RGS12: variants seen among roughly 807,000 people sequenced by gnomAD.
The protein encoded by RGS12 is regulator of G protein signaling 12, also known as regulator of G-protein signaling 12.
Under a neutral mutation model 120.1 loss-of-function variants are expected in RGS12, and 66 were observed. The ratio of observed to expected loss-of-function variants is 0.55; its 90% CI spans 0.45 to 0.67. The LOEUF is 0.67. Among genes scored for constraint, RGS12 ranks in the 30% least tolerant of loss-of-function variants. RGS12 has a pLI of 0.00. For missense variants in RGS12, 1,859 were observed against 1,957.7 expected (o/e 0.95, Z 0.95); for synonymous variants, 827 against 804.7 (o/e 1.03, Z -0.47).
rs771857477 is a variant in RGS12 at position 3,342,933 on chromosome 4, T to G, written c.1882-4T>G. On this transcript the variant is annotated splice_region_variant and splice_polypyrimidine_tract_variant and intron_variant, in intron 2 of 17. Coordinates refer to ENST00000336727, the MANE Select transcript of RGS12 (RefSeq NM_001394154.1). ...AACCTGATGCCTTTTTTCTTCGTGT[T>G]TAGGGCTCAAAATTTGGGCGGGGAA... is the stretch of plus-strand genomic sequence containing the variant. 6.2e-7 allele frequency: 1 copy of G among 1,608,150 alleles called. No homozygotes were observed. The highest frequency in any genetic ancestry group is 8.5e-7 in the Non-Finnish European group (1 of 1,174,804).
In RGS12 at chr4:3,317,830, C is replaced by G. The variant is rs759557676; in HGVS notation, c.1660C>G (p.Gln554Glu). The G allele has an allele frequency of 3.7e-6, 6 of 1,613,288 alleles. No individual in the cohort carries two copies. The highest frequency in any genetic ancestry group is 5.1e-6 in the Non-Finnish European group (6 of 1,179,774). ...GTGGCAGTGCGGACACACCAGCGAC[C>G]AGGACTCTTACACAGATTCCACCGA... Reference protein sequence around the residue: ...REWQCGHTSDQDSYTDSTDGW... With the variant: ...REWQCGHTSDEDSYTDSTDGW... The change falls in exon 2 of 18, where the codon CAG becomes GAG. Residue 554 changes from glutamine to glutamate, a missense_variant. This residue lies in a region of RGS12 where 967 missense variants were observed against 994.2 expected (regional missense o/e 0.97). Coordinates refer to ENST00000336727, the MANE Select transcript of RGS12 (RefSeq NM_001394154.1).
intron 2 of RGS12, among the ~76,000 whole-genome samples, chr4:3,319,846 T>C (rs1725062230): frequency 6.6e-6 from 1 of 152,170 alleles, no homozygotes; most frequent in Non-Finnish European, 1.5e-5. Context: ...GGAGGTGCCC[T>C]CCTGCCCGCC....
In RGS12 at chr4:3,366,421, C is replaced by T. The variant is rs1322998074; in HGVS notation, c.1999-19995C>T. ...AGCAGGGAGAGAATCAGGGCCTGTG[C>T]TCATATCTGTGAGCTCTGCAGATGT... On this transcript the variant is annotated intron_variant, in intron 3 of 17. Transcript: ENST00000336727. The surrounding 1 kb of genome is among the most constrained non-coding windows in gnomAD (Gnocchi z 4.0). 6.6e-6 allele frequency among the ~76,000 whole-genome samples: 1 copy of T among 152,110 alleles called. No homozygotes were observed. The highest frequency in any genetic ancestry group is 1.5e-5 in the Non-Finnish European group (1 of 68,004).
At chr4:3,382,037 T>C (rs921998948) in intron 3 of RGS12, among the ~76,000 whole-genome samples, 3 of 152,236 alleles carry the variant, frequency 2.0e-5, no homozygotes, top group Admixed American at 2.0e-4. Flanking sequence ...TGTCAAAAAA[T>C]AGTCGTAACG....
In RGS12 at chr4:3,316,958, G is replaced by C; in HGVS notation, c.788G>C (p.Arg263Pro). ...ATCCGCGGCTGCATGCGGCGCCTGC[G>C]GGCAGAGCAGAAAATCCACTCGCTG... ...QAIRGCMRRL[R>P]AEQKIHSLVT... Residue 263 changes from arginine (R) to proline (P), a missense_variant, in exon 2 of 18, where the codon CGG becomes CCG. Arg to Pro is a moderately radical substitution (Grantham distance 103). Transcript: ENST00000336727. The C allele has an allele frequency of 1.2e-6, 2 of 1,613,882 alleles. No homozygotes were observed. Among genetic ancestry groups the C allele is most frequent in the Non-Finnish European group, 1.7e-6 (2 of 1,180,044 alleles).
At chr4:3,371,828 C>T (rs1260683135) in intron 3 of RGS12, among the ~76,000 whole-genome samples, 3 of 152,302 alleles carry the variant, frequency 2.0e-5, no homozygotes, top group South Asian at 2.1e-4. Flanking sequence ...TGCCGCCGTC[C>T]GTGTCCGCAG....
intron 1 of RGS12, among the ~76,000 whole-genome samples, chr4:3,293,605 G>A (rs2110340701): frequency 6.6e-6 from 1 of 152,346 alleles, no homozygotes; most frequent in East Asian, 1.9e-4. Flanking sequence ...CCGCGGTGCC[G>A]CGATTGTGCA....
chr4:3,380,250 G>A (rs998429438), intron 3 of RGS12, among the ~76,000 whole-genome samples: 8 of 152,248 alleles, frequency 5.3e-5, no homozygotes, highest in South Asian at 2.1e-4. Context: ...TGATGCAAGA[G>A]GTGGGCTCCC....
intron 4 of RGS12, among the ~76,000 whole-genome samples, chr4:3,406,339 G>C (rs558259746): frequency 6.6e-6 from 1 of 152,254 alleles, no homozygotes; most frequent in Admixed American, 6.5e-5. Context: ...ATGAGGCCAA[G>C]CTCTGCCTTC....
chr4:3,387,077 G>A (rs1013802799), intron 4 of RGS12, among the ~76,000 whole-genome samples: 3 of 152,174 alleles, frequency 2.0e-5, no homozygotes, highest in Non-Finnish European at 2.9e-5. Flanking sequence ...GAGTTCCTCC[G>A]AAATATTCCT....
rs546217962 is a variant in RGS12 at position 3,433,336 on chromosome 4, G to A, written c.4114+2381G>A. On this transcript the variant is annotated intron_variant, in intron 17 of 17. Coordinates refer to ENST00000336727, the MANE Select transcript of RGS12 (RefSeq NM_001394154.1). This position sits in a 1 kb window ranked among gnomAD's most constrained non-coding sequence, Gnocchi z 4.4. ...GCCCTCCCCATTGCCATGGTGGGCAGCATGCCGGCTACGCGTGGGGGCTGC... is the reference window on the plus strand; with the variant it reads ...GCCCTCCCCATTGCCATGGTGGGCAACATGCCGGCTACGCGTGGGGGCTGC... Among the ~76,000 whole-genome samples, 1 of 152,310 alleles carries A rather than the reference G, an allele frequency of 6.6e-6. No homozygotes were observed. The highest frequency in any genetic ancestry group is 1.5e-5 in the Non-Finnish European group (1 of 68,010).
intron 2 of RGS12, among the ~76,000 whole-genome samples, chr4:3,333,546 C>T (rs189382741): frequency 1.4e-3 from 210 of 152,312 alleles, no homozygotes; most frequent in African/African-American, 4.3e-3. Flanking sequence ...TCAGGTGAGA[C>T]GAAAGTTAAC....
rs1427971547 is a variant in RGS12 at position 3,366,401 on chromosome 4, G to T, written c.1999-20015G>T. Among the ~76,000 whole-genome samples, 1 of 152,074 alleles carries T rather than the reference G, an allele frequency of 6.6e-6. No homozygotes were observed. The highest frequency in any genetic ancestry group is 1.5e-5 in the Non-Finnish European group (1 of 68,016). ...CAGAGGCCTCCAGGGTTAAGAGCAG[G>T]GAGAGAATCAGGGCCTGTGCTCATA... On this transcript the variant is annotated intron_variant, in intron 3 of 17. Transcript: ENST00000336727. This position sits in a 1 kb window ranked among gnomAD's most constrained non-coding sequence, Gnocchi z 4.0.
chr4:3,343,080 T>A (rs753871371), intron 3 of RGS12, 27 bp downstream of exon 3: 1 of 1,546,438 alleles, frequency 6.5e-7, no homozygotes, highest in African/African-American at 1.4e-5. Context: ...TTTTCTTCTT[T>A]TCTCCTTCAA....
Position 3,316,907 on chromosome 4 carries a change from A to T in RGS12, c.737A>T (p.Asn246Ile). ...GSIELPSTSSNLESDSLQAIR... is the reference protein window; with the variant it reads ...GSIELPSTSSILESDSLQAIR... ...ATTGAGCTTCCTTCCACGAGCTCCA[A>T]CCTGGAGTCCGACAGCTTGCAAGCC... Residue 246 changes from asparagine (N) to isoleucine (I), a missense_variant, in exon 2 of 18, where the codon AAC becomes ATC. Around this residue, in one of 3 missense-constraint regions of RGS12, gnomAD observed 967 missense variants for 994.2 expected, o/e 0.97. Coordinates refer to ENST00000336727, the MANE Select transcript of RGS12 (RefSeq NM_001394154.1). 1 of 1,613,980 alleles carries T rather than the reference A, an allele frequency of 6.2e-7. No homozygotes were observed. The highest frequency in any genetic ancestry group is 8.5e-7 in the Non-Finnish European group (1 of 1,180,052).
intron 2 of RGS12, among the ~76,000 whole-genome samples, chr4:3,338,647 G>A (rs1712740838): frequency 7.7e-6 from 1 of 130,004 alleles, no homozygotes; most frequent in Non-Finnish European, 1.6e-5. Context: ...TCTGTGGTTG[G>A]CGGGCGGGCG....
At chr4:3,334,488 T>C (rs1280131184) in intron 2 of RGS12, among the ~76,000 whole-genome samples, 1 of 152,216 alleles carries the variant, frequency 6.6e-6, no homozygotes, top group Non-Finnish European at 1.5e-5. Flanking sequence ...CTTTCCCTTC[T>C]CATTATCTTT....
At chr4:3,302,472 T>C (rs933729823) in intron 1 of RGS12, among the ~76,000 whole-genome samples, 1 of 152,208 alleles carries the variant, frequency 6.6e-6, no homozygotes, top group Admixed American at 6.5e-5. Context: ...GAGTTCACGT[T>C]GTGTGGCCTT....
rs187170947 is a variant in RGS12, at chr4:3,378,809, G to A, written c.1999-7607G>A. On this transcript the variant is annotated intron_variant, in intron 3 of 17. Coordinates refer to ENST00000336727, the MANE Select transcript of RGS12 (RefSeq NM_001394154.1). Reference sequence around the variant, plus strand: ...GAACCCTTGCACTGTTGGTGGGAATGTAAATTGTACAGCCATTGTGGAAAA... The same window carrying A: ...GAACCCTTGCACTGTTGGTGGGAATATAAATTGTACAGCCATTGTGGAAAA... 3.0e-3 allele frequency among the ~76,000 whole-genome samples: 455 copies of A among 152,294 alleles called. 1 individual carries two copies. Among genetic ancestry groups the A allele is most frequent in the African/African-American group, 0.01 (424 of 41,544 alleles).
Sources: allele counts gnomAD v4.1 joint callset (sites outside exome capture counted in the v4.1 genomes callset), GRCh38; gene constraint gnomAD v4.1.1; regional missense constraint gnomAD v4.1.1; non-coding constraint Gnocchi (gnomAD v3.1); transcripts MANE v1.5; gene names NCBI Gene and HGNC (gene_info 2026-07-23, HGNC 2026-07-21).